Variants in CNTN5 observed in about 807,000 individuals in gnomAD.
CNTN5 encodes contactin-5.
A neutral mutation model predicts 129.1 loss-of-function variants in CNTN5; 77 were observed. That is an observed-to-expected ratio of 0.60 (90% CI 0.50 to 0.72). The LOEUF is 0.72. Ranked by LOEUF, CNTN5 falls within the 30% of genes least tolerant of loss-of-function variation. The pLI is 0.00. For synonymous variants in CNTN5, 509 were observed against 465.6 expected (o/e 1.09, Z -1.20); for missense variants, 1,478 against 1,328.8 (o/e 1.11, Z -1.75).
At chr11:100,120,331 A>C (rs1000221832) in intron 13 of CNTN5, among the ~76,000 whole-genome samples, 6 of 151,952 alleles carry the variant, frequency 3.9e-5, no homozygotes, top group African/African-American at 1.4e-4. Context: ...AGAGAATGTC[A>C]TTTCCTTCAT....
At chr11:100,329,584 A>G (rs76431375) in intron 21 of CNTN5, among the ~76,000 whole-genome samples, 5,773 of 152,166 alleles carry the variant, frequency 0.038, 390 homozygotes, top group African/African-American at 0.13. Context: ...TCACTCCCCA[A>G]CTAACACCAC....
chr11:100,231,603 CT>C (rs1949490811), intron 16 of CNTN5, among the ~76,000 whole-genome samples: 2 of 152,062 alleles, frequency 1.3e-5, no homozygotes. Context: ...CAAAATTGTC[CT>C]GGTTTAGAAG....
At chr11:99,081,878 G>A (rs182125542) in intron 1 of CNTN5, among the ~76,000 whole-genome samples, 25 of 152,110 alleles carry the variant, frequency 1.6e-4, no homozygotes, top group Middle Eastern at 3.4e-3. Context: ...AGATGTCCCC[G>A]TTTTAGAGCC....
intron 3 of CNTN5, among the ~76,000 whole-genome samples, chr11:99,660,768 G>A (rs1161264104): frequency 1.3e-5 from 2 of 152,074 alleles, no homozygotes; most frequent in African/African-American, 4.8e-5. Flanking sequence ...CGCCTCAGTA[G>A]TAGTTACAGT....
At chr11:99,554,317 A>G (rs759399070) in intron 2 of CNTN5, among the ~76,000 whole-genome samples, 2 of 152,064 alleles carry the variant, frequency 1.3e-5, no homozygotes, top group Admixed American at 6.6e-5. Context: ...GTTCCACTCA[A>G]AAATAAGTTC....
rs371754867 is a variant in CNTN5, at chr11:99,765,959, A to G, written c.56-53585A>G. Among the ~76,000 whole-genome samples, 3 of 151,888 alleles carry G rather than the reference A, an allele frequency of 2.0e-5. No individual in the cohort carries two copies. In the East Asian group the frequency reaches 5.8e-4, roughly 29 times the overall value. ...GCACATTTATATCTGTCAAAGAGCAACCTCTAGGCTTCTAAGTTTTTATTA... is the reference window on the plus strand; with the variant it reads ...GCACATTTATATCTGTCAAAGAGCAGCCTCTAGGCTTCTAAGTTTTTATTA... On this transcript the variant is annotated intron_variant, in intron 3 of 24. Coordinates refer to ENST00000524871, the MANE Select transcript of CNTN5 (RefSeq NM_014361.4).
intron 3 of CNTN5, among the ~76,000 whole-genome samples, chr11:99,652,717 C>A (rs1168035202): frequency 6.6e-6 from 1 of 152,144 alleles, no homozygotes; most frequent in African/African-American, 2.4e-5. Flanking sequence ...GAAATACTAA[C>A]ATGCTTCAGA....
intron 6 of CNTN5, among the ~76,000 whole-genome samples, chr11:99,859,832 T>C (rs1025026551): frequency 2.6e-5 from 4 of 152,174 alleles, no homozygotes; most frequent in Non-Finnish European, 4.4e-5. Flanking sequence ...GTCTTTTTGG[T>C]AGAACTGTTT....
rs565996191 is a variant in CNTN5, at chr11:99,700,654, C to T, written c.56-118890C>T. Among the ~76,000 whole-genome samples the T allele has an allele frequency of 5.9e-5, 9 of 151,408 alleles. No individual in the cohort carries two copies. The South Asian group carries it at 1.9e-3, about 31-fold the overall frequency. On this transcript the variant is annotated intron_variant, in intron 3 of 24. Coordinates refer to ENST00000524871, the MANE Select transcript of CNTN5 (RefSeq NM_014361.4). ...GCCTTAATTTTGTCATGAAATGCAG[C>T]AATGGTGGCCGAGTAACGGTAAAAG...
intron 3 of CNTN5, among the ~76,000 whole-genome samples, chr11:99,768,584 C>G (rs1944837140): frequency 1.3e-5 from 2 of 152,068 alleles, no homozygotes; most frequent in Non-Finnish European, 2.9e-5. Context: ...TTCACAAAAT[C>G]CAAGACAATG....
intron 6 of CNTN5, among the ~76,000 whole-genome samples, chr11:99,864,102 T>G (rs1012850333): frequency 6.6e-6 from 1 of 152,188 alleles, no homozygotes; most frequent in African/African-American, 2.4e-5. Context: ...CTGGTGCATA[T>G]TGTTAATGCA....
chr11:100,308,317 A>C, intron 20 of CNTN5, 42 bp from the exon 21 acceptor site: 1 of 1,581,530 alleles, frequency 6.3e-7, no homozygotes, highest in Non-Finnish European at 8.6e-7. Flanking sequence ...ACTTTGATGG[A>C]CATAAACTTT....
intron 8 of CNTN5, among the ~76,000 whole-genome samples, chr11:99,973,703 C>T (rs576159595): frequency 6.6e-6 from 1 of 152,070 alleles, no homozygotes; most frequent in African/African-American, 2.4e-5. Flanking sequence ...TTTCCATTAT[C>T]CTGCAAGGAT....
intron 20 of CNTN5, among the ~76,000 whole-genome samples, chr11:100,300,420 T>G (rs1331981724): frequency 6.6e-6 from 1 of 151,350 alleles, no homozygotes; most frequent in African/African-American, 2.4e-5. Context: ...ACTGAGAAAA[T>G]GTTCTACCAA....
At chr11:99,783,137 A>AACAT (rs1945376939) in intron 3 of CNTN5, among the ~76,000 whole-genome samples, 2 of 77,104 alleles carry the variant, frequency 2.6e-5, no homozygotes, top group Non-Finnish European at 2.7e-5. Flanking sequence ...GAAAAAAACA[A>AACAT]CCCCATCAAA....
intron 6 of CNTN5, among the ~76,000 whole-genome samples, chr11:99,882,511 T>C (rs1948796506): frequency 6.6e-6 from 1 of 152,186 alleles, no homozygotes; most frequent in South Asian, 2.1e-4. Flanking sequence ...TGAGTAAATC[T>C]GAACACAATT....
intron 4 of CNTN5, among the ~76,000 whole-genome samples, chr11:99,840,757 C>G (rs1176691149): frequency 6.6e-6 from 1 of 152,120 alleles, no homozygotes; most frequent in Non-Finnish European, 1.5e-5. Context: ...AATTGGCTAT[C>G]AAGATCTTTG....
chr11:99,854,707 A>C (rs116445989), intron 6 of CNTN5, among the ~76,000 whole-genome samples: 2 of 152,188 alleles, frequency 1.3e-5, no homozygotes, highest in South Asian at 4.1e-4. Flanking sequence ...TTTCAGGAGA[A>C]AATACCCAAC....
At chr11:99,316,163 C>T (rs1865332305) in intron 1 of CNTN5, among the ~76,000 whole-genome samples, 1 of 151,918 alleles carries the variant, frequency 6.6e-6, no homozygotes, top group South Asian at 2.1e-4. Context: ...AGGCCAAGGG[C>T]ATCATCCTGT....
Sources: allele counts gnomAD v4.1 joint callset (sites outside exome capture counted in the v4.1 genomes callset), GRCh38; gene constraint gnomAD v4.1.1; transcripts MANE v1.5; gene names NCBI Gene and HGNC (gene_info 2026-07-23, HGNC 2026-07-21).